Variants in RBBP8 observed in about 807,000 individuals in gnomAD.
The protein encoded by RBBP8 is DNA endonuclease RBBP8.
In RBBP8, 88 loss-of-function variants were observed where a neutral mutation model predicts 108.3. That is an observed-to-expected ratio of 0.81 (90% CI 0.68 to 0.97). The LOEUF (loss-of-function observed/expected upper bound fraction) is 0.97, where lower values mean the gene tolerates loss of function less well. Among genes scored for constraint, RBBP8 ranks in the 50% least tolerant of loss-of-function variants. The pLI is 0.00. For missense variants in RBBP8, 1,023 were observed against 1,049.0 expected (o/e 0.98, Z 0.34); for synonymous variants, 332 against 348.2 (o/e 0.95, Z 0.52).
intron 3 of RBBP8, among the ~76,000 whole-genome samples, chr18:22,918,080 T>C (rs1028011386): frequency 1.3e-5 from 2 of 151,590 alleles, no homozygotes; most frequent in African/African-American, 2.4e-5. Context: ...TATAATCCAA[T>C]CCAATTAAAG....
intron 15 of RBBP8, among the ~76,000 whole-genome samples, chr18:23,003,204 T>G (rs1017081498): frequency 4.6e-5 from 7 of 152,222 alleles, no homozygotes; most frequent in Non-Finnish European, 1.0e-4. Context: ...TAGGTTTGAT[T>G]TCTCTGATGA....
rs536069092 is a variant in RBBP8, at chr18:22,982,123, G to A, written c.429-95G>A. 7 of 1,373,836 alleles carry A rather than the reference G, an allele frequency of 5.1e-6. No individual in the cohort carries two copies. In the Admixed American group the frequency reaches 1.2e-4, roughly 23 times the overall value. The allele number at this position is 1,373,836 out of a possible 1,614,324, so 85.1% of individuals were successfully genotyped here. A position where few individuals can be genotyped will look rare whatever the true frequency, so the allele number is the denominator to read the frequency against. ...GATGCAAGGGATTACATCCCTTAGAGCTTCATGTTTGTGTTCTACTGTAAC... is the reference window on the plus strand; with the variant it reads ...GATGCAAGGGATTACATCCCTTAGAACTTCATGTTTGTGTTCTACTGTAAC... On this transcript the variant is annotated intron_variant, in intron 6 of 18. Coordinates refer to ENST00000327155, the MANE Select transcript of RBBP8 (RefSeq NM_002894.3).
chr18:23,017,820 C>T (rs1424186250), intron 17 of RBBP8, among the ~76,000 whole-genome samples: 1 of 131,708 alleles, frequency 7.6e-6, no homozygotes, highest in Non-Finnish European at 1.5e-5. Context: ...GATCTTGGCT[C>T]ACTGCAATCT....
At chr18:23,008,225 T>C (rs893914867) in intron 16 of RBBP8, among the ~76,000 whole-genome samples, 1 of 145,304 alleles carries the variant, frequency 6.9e-6, no homozygotes, top group Admixed American at 7.2e-5. Flanking sequence ...GACATAGTAA[T>C]TCATTCAAAA....
intron 4 of RBBP8, among the ~76,000 whole-genome samples, chr18:22,961,698 T>G (rs1913111160): frequency 6.6e-6 from 1 of 152,170 alleles, no homozygotes; most frequent in Admixed American, 6.5e-5. Flanking sequence ...CAGCTATCAT[T>G]AGTGTTAGTG....
intron 4 of RBBP8, among the ~76,000 whole-genome samples, chr18:22,968,574 T>TA (rs1438808384): frequency 6.6e-6 from 1 of 152,194 alleles, no homozygotes; most frequent in African/African-American, 2.4e-5. Context: ...TAAGTTCCCT[T>TA]AGCATGAGTT....
rs1909825175 is a variant in RBBP8 at position 22,927,309 on chromosome 18, C to T, written c.-153-2074C>T. Among the ~76,000 whole-genome samples the T allele has an allele frequency of 2.6e-5, 4 of 152,230 alleles. No individual in the cohort carries two copies. In the South Asian group the frequency reaches 8.3e-4, roughly 32 times the overall value. On this transcript the variant is annotated intron_variant, in intron 3 of 4. Transcript: ENST00000577588. ...TTAATTTTATGCCTGGAGACACAGG[C>T]ACTTAATGCTGGGTGGGGGATGGGA...
chr18:22,991,002 G>A lies in RBBP8; in HGVS notation c.873G>A (p.Lys291=), dbSNP rs758767962. 1 of 1,613,758 alleles carries A rather than the reference G, an allele frequency of 6.2e-7. No homozygotes were observed. The highest frequency in any genetic ancestry group is 1.1e-5 in the South Asian group (1 of 91,074). The change falls in exon 10 of 19, where the codon AAG becomes AAA. Residue 291 remains lysine, a synonymous_variant. Coordinates refer to ENST00000327155, the MANE Select transcript of RBBP8 (RefSeq NM_002894.3). ...ELYHCLEGNH[K]KQPFEESTRN... ...ACCACTGTCTGGAAGGAAATCACAA[G>A]AAACAGCCTTTTGAGGAATCTACAA...
At chr18:22,925,818 T>C (rs961346145) in intron 3 of RBBP8, among the ~76,000 whole-genome samples, 3 of 152,248 alleles carry the variant, frequency 2.0e-5, no homozygotes, top group East Asian at 1.9e-4. Flanking sequence ...GGTAGCATTA[T>C]ACATAGGTAC....
intron 3 of RBBP8, among the ~76,000 whole-genome samples, chr18:22,922,557 G>A (rs1402359654): frequency 6.6e-6 from 1 of 152,108 alleles, no homozygotes; most frequent in Non-Finnish European, 1.5e-5. Flanking sequence ...CCACCTCCCA[G>A]GCTGAAACAA....
At chr18:22,987,303 G>A (rs1476028757) in intron 8 of RBBP8, among the ~76,000 whole-genome samples, 2 of 152,106 alleles carry the variant, frequency 1.3e-5, no homozygotes, top group East Asian at 3.9e-4. Flanking sequence ...GGAAGGTAGG[G>A]AGGGAGACTT....
chr18:22,935,315 C>T (rs1255225635), intron 1 of RBBP8, among the ~76,000 whole-genome samples: 3 of 146,208 alleles, frequency 2.1e-5, no homozygotes, highest in Admixed American at 6.8e-5. Context: ...TTTTTTCAAG[C>T]AAATCGCAGA....
intron 4 of RBBP8, among the ~76,000 whole-genome samples, chr18:22,954,059 G>C (rs1020647776): frequency 6.6e-6 from 1 of 152,024 alleles, no homozygotes; most frequent in African/African-American, 2.4e-5. Flanking sequence ...CCACAGTTGG[G>C]ACTGTGGGAA....
At chr18:22,924,430 GC>G (rs1480284888) in intron 3 of RBBP8, among the ~76,000 whole-genome samples, 1 of 151,262 alleles carries the variant, frequency 6.6e-6, no homozygotes, top group East Asian at 2.0e-4. Flanking sequence ...CCCAGCCAAA[GC>G]TTTTTGAAGT....
Position 22,982,301 on chromosome 18 carries a change from C to G in RBBP8, c.512C>G (p.Ser171Cys). Residue 171 changes from serine to cysteine, a missense_variant, in exon 7 of 19, where the codon TCT becomes TGT. Transcript: ENST00000327155. ...TCACCGATAACAGCCTTCTCATTTT[C>G]TGGCGTTAACCGGCTACGAAGAAAG... ...PDSPITAFSF[S>C]GVNRLRRKEN... 6.2e-7 allele frequency: 1 copy of G among 1,614,202 alleles called. No individual in the cohort carries two copies. Among genetic ancestry groups the G allele is most frequent in the Non-Finnish European group, 8.5e-7 (1 of 1,180,026 alleles).
chr18:23,021,706 T>A (rs1374006801), intron 17 of RBBP8, among the ~76,000 whole-genome samples: 1 of 152,172 alleles, frequency 6.6e-6, no homozygotes, highest in Admixed American at 6.5e-5. Flanking sequence ...ATTCAAATAA[T>A]AATTAAGAAA....
At chr18:22,992,113 G>C (rs1915742290) in intron 10 of RBBP8, among the ~76,000 whole-genome samples, 1 of 152,114 alleles carries the variant, frequency 6.6e-6, no homozygotes, top group African/African-American at 2.4e-5. Context: ...CTTAATTTAT[G>C]TTCAATTCTG....
intron 18 of RBBP8, among the ~76,000 whole-genome samples, chr18:23,022,659 A>AAAT (rs2046384185): frequency 1.4e-5 from 1 of 71,796 alleles, no homozygotes; most frequent in Admixed American, 1.6e-4. Flanking sequence ...AATATAAAAT[A>AAAT]AAATAAAATA....
chr18:22,965,565 ATATTCATTTCAT>A (rs1211098101), intron 4 of RBBP8, among the ~76,000 whole-genome samples: 4 of 152,110 alleles, frequency 2.6e-5, no homozygotes, highest in Admixed American at 6.5e-5. Context: ...GTGTGTATAT[ATATTCATTTCAT>A]TATTGTACTC....
Sources: gnomAD v4.1 joint callset for allele counts (sites outside exome capture counted in the v4.1 genomes callset) on GRCh38, gnomAD v4.1.1 for gene constraint, MANE v1.5 for transcripts, NCBI Gene and HGNC (gene_info 2026-07-23, HGNC 2026-07-21) for gene names.